Variants in HS6ST3 observed in about 807,000 individuals in gnomAD.
HS6ST3 encodes heparan sulfate 6-O-sulfotransferase 3.
Under a neutral mutation model 36.7 loss-of-function variants are expected in HS6ST3, and 12 were observed. The observed-to-expected ratio is 0.33, with a 90% confidence interval of 0.21 to 0.53. The LOEUF is 0.53. Among genes scored for constraint, HS6ST3 ranks in the 20% least tolerant of loss-of-function variants. The pLI, the probability that HS6ST3 is intolerant of heterozygous loss-of-function variation, is 0.95. For synonymous variants in HS6ST3, 240 were observed against 257.5 expected (o/e 0.93, Z 0.65); for missense variants, 584 against 640.9 (o/e 0.91, Z 0.96).
chr13:96,578,515 T>C (rs2056329967), intron 1 of HS6ST3, among the ~76,000 whole-genome samples: 1 of 152,206 alleles, frequency 6.6e-6, no homozygotes, highest in African/African-American at 2.4e-5. Context: ...GTCCTTGGGC[T>C]GCTGAAGCTG....
intron 1 of HS6ST3, among the ~76,000 whole-genome samples, chr13:96,442,440 A>G (rs2055676153): frequency 6.6e-6 from 1 of 152,220 alleles, no homozygotes. Flanking sequence ...CCTAGAAAGC[A>G]ATTGAACACT....
At chr13:96,266,437 G>T (rs772496258) in intron 1 of HS6ST3, among the ~76,000 whole-genome samples, 1 of 152,166 alleles carries the variant, frequency 6.6e-6, no homozygotes, top group Non-Finnish European at 1.5e-5. Context: ...AGGATAAACA[G>T]CAAGTTACTT....
chr13:96,186,312 C>T (rs2054264965), intron 1 of HS6ST3, among the ~76,000 whole-genome samples: 1 of 152,154 alleles, frequency 6.6e-6, no homozygotes, highest in African/African-American at 2.4e-5. Flanking sequence ...AAAGGTGGAG[C>T]TCTTGGGATT....
At chr13:96,764,163 T>C (rs1475312154) in intron 1 of HS6ST3, among the ~76,000 whole-genome samples, 1 of 152,238 alleles carries the variant, frequency 6.6e-6, no homozygotes, top group Non-Finnish European at 1.5e-5. Context: ...ATTGAGTACA[T>C]GAACAATGCT....
At chr13:96,182,152 C>T (rs1460247199) in intron 1 of HS6ST3, among the ~76,000 whole-genome samples, 1 of 152,182 alleles carries the variant, frequency 6.6e-6, no homozygotes, top group East Asian at 1.9e-4. Flanking sequence ...CTAGACCAGG[C>T]TGTTCATATA....
intron 1 of HS6ST3, among the ~76,000 whole-genome samples, chr13:96,776,332 A>G (rs1461115415): frequency 6.6e-6 from 1 of 152,190 alleles, no homozygotes; most frequent in African/African-American, 2.4e-5. Flanking sequence ...ACAAAAAATA[A>G]CTAAGATCAG....
chr13:96,594,178 G>T (rs890966221), intron 1 of HS6ST3, among the ~76,000 whole-genome samples: 2 of 151,904 alleles, frequency 1.3e-5, no homozygotes, highest in Non-Finnish European at 2.9e-5. Flanking sequence ...CTTCATGTTG[G>T]CCAGGTTGGT....
chr13:96,324,564 T>C (rs907705913), intron 1 of HS6ST3, among the ~76,000 whole-genome samples: 1 of 152,160 alleles, frequency 6.6e-6, no homozygotes, highest in Admixed American at 6.5e-5. Flanking sequence ...TATATTGAAA[T>C]TAGAAATCCA....
intron 1 of HS6ST3, among the ~76,000 whole-genome samples, chr13:96,215,170 C>T (rs2054418530): frequency 6.6e-6 from 1 of 152,194 alleles, no homozygotes; most frequent in Non-Finnish European, 1.5e-5. Flanking sequence ...GTTATAACAG[C>T]AGCTTCAAAA....
At chr13:96,498,859 C>T (rs540053377) in intron 1 of HS6ST3, among the ~76,000 whole-genome samples, 1 of 152,204 alleles carries the variant, frequency 6.6e-6, no homozygotes, top group African/African-American at 2.4e-5. Flanking sequence ...CTTCTCCTAC[C>T]TTGTTATTGG....
chr13:96,435,298 A>G (rs1258642344), intron 1 of HS6ST3, among the ~76,000 whole-genome samples: 1 of 152,200 alleles, frequency 6.6e-6, no homozygotes, highest in Non-Finnish European at 1.5e-5. Context: ...TTTCCAAGAT[A>G]GAAGTGTCTT....
intron 1 of HS6ST3, among the ~76,000 whole-genome samples, chr13:96,799,998 G>A (rs28415280): frequency 0.014 from 1,045 of 75,190 alleles, 54 homozygotes; most frequent in African/African-American, 0.065. Flanking sequence ...ATATATATAT[G>A]TATATATATA....
chr13:96,492,735 T>C (rs1359077045), intron 1 of HS6ST3, among the ~76,000 whole-genome samples: 4 of 152,216 alleles, frequency 2.6e-5, no homozygotes, highest in Admixed American at 2.6e-4. Context: ...TCTTATATAT[T>C]AACAGGAAGT....
chr13:96,479,179 G>A (rs1188453859), intron 1 of HS6ST3, among the ~76,000 whole-genome samples: 1 of 152,198 alleles, frequency 6.6e-6, no homozygotes, highest in African/African-American at 2.4e-5. Context: ...TCAGCCTTAA[G>A]AAGTCAGGAA....
At chr13:96,093,776 G>A (rs2053776626) in intron 1 of HS6ST3, among the ~76,000 whole-genome samples, 2 of 152,232 alleles carry the variant, frequency 1.3e-5, no homozygotes, top group East Asian at 3.9e-4. Context: ...GTTAACAGTA[G>A]CATCTCTCTA....
chr13:96,619,893 T>C (rs1010404470), intron 1 of HS6ST3, among the ~76,000 whole-genome samples: 1 of 152,190 alleles, frequency 6.6e-6, no homozygotes, highest in African/African-American at 2.4e-5. Context: ...AGTGGCAGTA[T>C]TGGTGTAAAC....
intron 1 of HS6ST3, among the ~76,000 whole-genome samples, chr13:96,428,183 T>TA (rs2055596666): frequency 6.6e-6 from 1 of 151,932 alleles, no homozygotes; most frequent in Non-Finnish European, 1.5e-5. Context: ...CCATCTCTAC[T>TA]AAAAATACAA....
At chr13:96,447,193 C>T (rs1225040534) in intron 1 of HS6ST3, among the ~76,000 whole-genome samples, 2 of 152,086 alleles carry the variant, frequency 1.3e-5, no homozygotes, top group Non-Finnish European at 2.9e-5. Context: ...TTTCTGGAGG[C>T]AAAGCTCACT....
intron 1 of HS6ST3, among the ~76,000 whole-genome samples, chr13:96,553,704 C>T (rs1312247882): frequency 7.9e-5 from 12 of 152,314 alleles, no homozygotes; most frequent in South Asian, 2.1e-4. Flanking sequence ...CACTAAATTA[C>T]GTTGAAGCTT....
Sources: gnomAD v4.1 joint callset for allele counts (sites outside exome capture counted in the v4.1 genomes callset) on GRCh38, gnomAD v4.1.1 for gene constraint, MANE v1.5 for transcripts, NCBI Gene and HGNC (gene_info 2026-07-23, HGNC 2026-07-21) for gene names.